Variants in ACSL6 observed in about 807,000 individuals in gnomAD.
The protein encoded by ACSL6 is acyl-CoA synthetase long chain family member 6.
ACSL6 carries 47 observed loss-of-function variants against 98.2 expected under a neutral mutation model. That is an observed-to-expected ratio of 0.48 (90% CI 0.38 to 0.61). The LOEUF (loss-of-function observed/expected upper bound fraction) is 0.61, where lower values mean the gene tolerates loss of function less well. ACSL6 is among the 20% of genes least tolerant of loss of function. The pLI, the probability that ACSL6 is intolerant of heterozygous loss-of-function variation, is 0.00. For synonymous variants in ACSL6, 362 were observed against 336.9 expected, an observed-to-expected ratio of 1.07 and a Z score of -0.82; for missense variants, 761 against 913.4, an observed-to-expected ratio of 0.83 and a Z score of 2.15.
In ACSL6 at chr5:131,959,406, C is replaced by CATT. The variant is rs1017375591; in HGVS notation, c.2031+127_2031+129dup. ...AGCTTGGAACAGGCCTTCAGGGGTCCATTGGTACACAGCCTGCTGGCGGGC... is the reference window on the plus strand; with the variant it reads ...AGCTTGGAACAGGCCTTCAGGGGTCCATTATTGGTACACAGCCTGCTGGCGGGC... On this transcript the variant is annotated intron_variant, in intron 20 of 20. Transcript: ENST00000651883. 7.4e-6 allele frequency: 7 copies of CATT among 946,722 alleles called. No homozygotes were observed. In the African/African-American group the frequency reaches 8.2e-5, roughly 11 times the overall value. 58.6% of individuals were successfully genotyped at this position (946,722 alleles called of 1,614,324 possible).
Position 131,950,601 on chromosome 5 carries a change from C to T in ACSL6, c.*3633G>A, listed in dbSNP as rs1404787338. 5 of 192,940 alleles carry T rather than the reference C, an allele frequency of 2.6e-5. No individual in the cohort carries two copies. The highest frequency in any genetic ancestry group is 5.4e-5 in the Non-Finnish European group (5 of 92,508). The allele number at this position is 192,940 out of a possible 1,614,324, so 12.0% of individuals were successfully genotyped here. ...TCTTTTTTTCCTGAGATATTAAGCACATTTGTAAGTAGTCTGTTTTCATGC... is the reference window on the plus strand; with the variant it reads ...TCTTTTTTTCCTGAGATATTAAGCATATTTGTAAGTAGTCTGTTTTCATGC... On this transcript the variant is annotated 3_prime_UTR_variant, in exon 21 of 21. Coordinates refer to ENST00000651883, the MANE Select transcript of ACSL6 (RefSeq NM_001009185.3).
chr5:131,990,024 C>CCA (rs1754420023), intron 4 of ACSL6, 76 bp downstream of exon 4: 2 of 1,488,848 alleles, frequency 1.3e-6, no homozygotes, highest in Non-Finnish European at 1.8e-6. Context: ...CAGCAGGTGC[C>CCA]CACATCCCTC....
At chr5:132,005,825 A>T (rs1424216787) in intron 1 of ACSL6, among the ~76,000 whole-genome samples, 1 of 152,188 alleles carries the variant, frequency 6.6e-6, no homozygotes, top group African/African-American at 2.4e-5. Context: ...CTGTGCTGAG[A>T]GTGAGGCGGG....
intron 9 of ACSL6, among the ~76,000 whole-genome samples, chr5:131,981,207 T>C (rs866360603): frequency 3.0e-4 from 46 of 151,562 alleles, no homozygotes; most frequent in Admixed American, 1.2e-3. Flanking sequence ...AGTGGCCCCT[T>C]CTCAGCTATA....
At chr5:131,974,492 A>G (rs1753503974) in intron 11 of ACSL6, among the ~76,000 whole-genome samples, 1 of 152,150 alleles carries the variant, frequency 6.6e-6, no homozygotes, top group Admixed American at 6.5e-5. Flanking sequence ...AAGCTGCAAT[A>G]CTCTCTGAGA....
intron 13 of ACSL6, among the ~76,000 whole-genome samples, chr5:131,972,132 G>A (rs1465571824): frequency 6.6e-6 from 1 of 152,138 alleles, no homozygotes; most frequent in African/African-American, 2.4e-5. Context: ...TATGTAAGTT[G>A]AGCCAAGATA....
intron 2 of ACSL6, among the ~76,000 whole-genome samples, chr5:131,992,205 G>A (rs417585): frequency 0.79 from 120,912 of 152,118 alleles, 48,467 homozygotes; most frequent in Non-Finnish European, 0.84. Flanking sequence ...AACTGTAGGC[G>A]ATTCATGGAG....
At chr5:131,988,487 A>G in intron 6 of ACSL6, 1 of 1,573,058 alleles carries the variant, frequency 6.4e-7, no homozygotes, top group Non-Finnish European at 8.7e-7. Context: ...CCATCATCCC[A>G]GGTCTGTTTG....
chr5:131,999,545 G>A (rs1036275494), intron 1 of ACSL6: 2 of 152,272 alleles, frequency 1.3e-5, no homozygotes, highest in African/African-American at 4.8e-5. Flanking sequence ...AGTGGCGAAG[G>A]CCCTGCCCCG....
Position 131,990,829 on chromosome 5 carries a change from A to AC in ACSL6, c.385+23dup, listed in dbSNP as rs5871439. On this transcript the variant is annotated intron_variant, in intron 3 of 20. Transcript: ENST00000651883. ...CACCCCTGCCACACAGCCCCTCCAC[A>AC]CCCCCCCCCACAACCCTTCTCACCT... 8.8e-5 allele frequency: 137 copies of AC among 1,554,368 alleles called. No homozygotes were observed. In the African/African-American group the frequency reaches 1.6e-3, roughly 19 times the overall value.
chr5:131,988,577 A>C, intron 6 of ACSL6: 1 of 1,612,936 alleles, frequency 6.2e-7, no homozygotes, highest in Non-Finnish European at 8.5e-7. Flanking sequence ...GCTGTTGCAG[A>C]GGCTCCTTCT....
At chr5:131,960,656 C>A in intron 18 of ACSL6, 35 bp from the exon 19 acceptor site, 1 of 1,548,152 alleles carries the variant, frequency 6.5e-7, no homozygotes, top group Non-Finnish European at 8.8e-7. Flanking sequence ...ACAGTCATGA[C>A]AAATGCATTT....
chr5:131,960,586 T>G lies in ACSL6; in HGVS notation c.1893A>C (p.Glu631Asp), dbSNP rs373284209. The G allele has an allele frequency of 1.2e-6, 2 of 1,614,008 alleles. No individual in the cohort carries two copies. The highest frequency in any genetic ancestry group is 1.3e-5 in the African/African-American group (1 of 74,922). ...TCTTCTGGGCCCAGGAGGGCATAAC[T>G]TCAGGGTCAGGCACAACAATGCCTA... ...FLVGIVVPDP[E>D]VMPSWAQKRG... The change falls in exon 19 of 21, where the codon GAA (glutamate) becomes GAC (aspartate). Residue 631 changes from glutamate to aspartate, a missense_variant. Coordinates refer to ENST00000651883, the MANE Select transcript of ACSL6 (RefSeq NM_001009185.3).
chr5:131,957,801 G>T (rs993938851), intron 20 of ACSL6, among the ~76,000 whole-genome samples: 9 of 152,224 alleles, frequency 5.9e-5, no homozygotes, highest in Admixed American at 3.3e-4. Flanking sequence ...ACCCTCCTCA[G>T]GCATGAGGCC....
intron 16 of ACSL6, 122 bp downstream of exon 16, chr5:131,967,818 A>C (rs1753098961): frequency 1.2e-6 from 1 of 825,978 alleles, no homozygotes; most frequent in African/African-American, 1.7e-5. Context: ...GAGTCAAATT[A>C]ATCAGTAGTT....
At chr5:132,011,726 G>A, upstream of ACSL6, 1 of 1,300,498 alleles carries the variant, frequency 7.7e-7, no homozygotes. The surrounding 1 kb of genome is among the most constrained non-coding windows in gnomAD (Gnocchi z 5.4). Flanking sequence ...TGCGGAGACG[G>A]CTCAAGGGGG....
At chr5:131,964,108 C>A (rs1752880047) in intron 17 of ACSL6, among the ~76,000 whole-genome samples, 1 of 152,172 alleles carries the variant, frequency 6.6e-6, no homozygotes, top group Admixed American at 6.5e-5. Context: ...AAGAATGAAT[C>A]ATTCAAAGCT....
At position 131,976,718 on chromosome 5, in the gene ACSL6, T is replaced by C. The variant is rs147194604; in HGVS notation, c.920A>G (p.Asn307Ser). 1 of 1,613,908 alleles carries C rather than the reference T, an allele frequency of 6.2e-7. No individual in the cohort carries two copies. Among genetic ancestry groups the C allele is most frequent in the African/African-American group, 1.3e-5 (1 of 74,894 alleles). ...ATGGGTGAGCATCGCACCTTTTGGG[T>C]TCCCTATAAAAAGAAAGCAAGAAGT... ...IVCFTSGTTGNPKGAMLTHGN... is the reference protein window; with the variant it reads ...IVCFTSGTTGSPKGAMLTHGN... Residue 307 changes from asparagine to serine, a missense_variant, in exon 10 of 21, where the codon AAC becomes AGC. Asn to Ser is a conservative substitution (Grantham distance 46). Transcript: ENST00000651883.
chr5:132,005,175 A>T (rs542083108), intron 1 of ACSL6, among the ~76,000 whole-genome samples: 26 of 152,292 alleles, frequency 1.7e-4, no homozygotes, highest in Admixed American at 1.4e-3. Flanking sequence ...AAAGAAAAAA[A>T]AATGCGTGAG....
Sources: gnomAD v4.1 joint callset for allele counts (sites outside exome capture counted in the v4.1 genomes callset) on GRCh38, gnomAD v4.1.1 for gene constraint, Gnocchi (gnomAD v3.1) non-coding constraint, MANE v1.5 for transcripts, NCBI Gene and HGNC (gene_info 2026-07-23, HGNC 2026-07-21) for gene names.